SLC30A8: variants seen among roughly 807,000 people sequenced by gnomAD.
SLC30A8 encodes solute carrier family 30 member 8.
SLC30A8 carries 27 observed loss-of-function variants against 36.9 expected under a neutral mutation model. The observed-to-expected ratio is 0.73, with a 90% CI of 0.54 to 1.01. SLC30A8 has a LOEUF of 1.01. SLC30A8 is among the 50% of genes least tolerant of loss of function. SLC30A8 has a pLI of 0.00. For synonymous variants in SLC30A8, 164 were observed against 172.4 expected, an observed-to-expected ratio of 0.95 and a Z score of 0.38; for missense variants, 439 against 452.0, an observed-to-expected ratio of 0.97 and a Z score of 0.26.
At chr8:117,050,497 C>T (rs191388941) in intron 2 of SLC30A8, among the ~76,000 whole-genome samples, 4 of 152,092 alleles carry the variant, frequency 2.6e-5, no homozygotes, top group Non-Finnish European at 5.9e-5. Context: ...CCTCTGCCTC[C>T]TGAGTTCAAG....
intron 2 of SLC30A8, among the ~76,000 whole-genome samples, chr8:117,051,770 G>A (rs1012957263): frequency 7.2e-5 from 11 of 151,940 alleles, no homozygotes; most frequent in Admixed American, 3.3e-4. Context: ...CCTAGATCGT[G>A]CCACTGCACT....
intron 7 of SLC30A8, among the ~76,000 whole-genome samples, chr8:117,171,591 C>T (rs951303994): frequency 6.6e-6 from 1 of 152,132 alleles, no homozygotes; most frequent in Non-Finnish European, 1.5e-5. Flanking sequence ...ACACCAGCCC[C>T]ACTCTTAAAT....
At chr8:117,163,599 G>A (rs1038272881) in intron 6 of SLC30A8, 69 bp downstream of exon 6, 2 of 1,137,964 alleles carry the variant, frequency 1.8e-6, no homozygotes, top group Non-Finnish European at 2.5e-6. Context: ...AAAGGGAATG[G>A]CTACAAGGCA....
chr8:117,000,382 G>C (rs1815972368), intron 1 of SLC30A8, among the ~76,000 whole-genome samples: 2 of 152,116 alleles, frequency 1.3e-5, no homozygotes, highest in Non-Finnish European at 2.9e-5. Flanking sequence ...TCCAAGTAAG[G>C]CTTGTAGAAA....
At chr8:117,124,648 G>GAA (rs35557733) in intron 2 of SLC30A8, among the ~76,000 whole-genome samples, 1,399 of 111,184 alleles carry the variant, frequency 0.013, 20 homozygotes, top group South Asian at 0.04. Flanking sequence ...CTTGTATCCA[G>GAA]AAAAAAAAAA....
intron 1 of SLC30A8, among the ~76,000 whole-genome samples, chr8:117,001,204 CTTTT>C (rs34639384): frequency 5.1e-5 from 4 of 78,306 alleles, no homozygotes; most frequent in Non-Finnish European, 7.1e-5. Context: ...TTGCTAGGGG[CTTTT>C]TTTTTTTTTT....
chr8:117,166,671 C>G (rs1401716112), intron 6 of SLC30A8, among the ~76,000 whole-genome samples: 1 of 152,032 alleles, frequency 6.6e-6, no homozygotes, highest in Admixed American at 6.6e-5. Flanking sequence ...TTCCCACATG[C>G]TGGCCCTGGG....
At chr8:116,954,465 A>G (rs577268153) in intron 1 of SLC30A8, among the ~76,000 whole-genome samples, 6 of 151,698 alleles carry the variant, frequency 4.0e-5, no homozygotes, top group African/African-American at 9.8e-5. Context: ...CTGAAAAGCT[A>G]TTAAAGAGAG....
chr8:117,135,289 C>A lies in SLC30A8; in HGVS notation c.-39C>A, dbSNP rs1432523329. 1.2e-5 allele frequency: 18 copies of A among 1,527,838 alleles called. No individual in the cohort carries two copies. Among genetic ancestry groups the A allele is most frequent in the South Asian group, 2.5e-5 (2 of 79,128 alleles). 94.6% of individuals were successfully genotyped at this position (1,527,838 alleles called of 1,614,324 possible). A position where few individuals can be genotyped will look rare whatever the true frequency, so the allele number is the denominator to read the frequency against. ...TTCCAAAACTGGGCAGTGAGTTCAA[C>A]AACAACGACAACAACAGCCGCAGCT... On this transcript the variant is annotated 5_prime_UTR_variant, in exon 1 of 8. Transcript: ENST00000456015.
intron 6 of SLC30A8, among the ~76,000 whole-genome samples, chr8:117,164,435 A>T (rs1822957291): frequency 6.6e-6 from 1 of 151,970 alleles, no homozygotes; most frequent in Non-Finnish European, 1.5e-5. Flanking sequence ...TTACCTGGGC[A>T]TTGTGGTGCA....
chr8:117,067,309 A>G (rs2130793630), intron 2 of SLC30A8, among the ~76,000 whole-genome samples: 1 of 152,124 alleles, frequency 6.6e-6, no homozygotes, highest in East Asian at 1.9e-4. Context: ...ATATAAATCA[A>G]TAGGTGTTTT....
intron 2 of SLC30A8, among the ~76,000 whole-genome samples, chr8:117,045,108 A>G (rs1817510137): frequency 6.6e-6 from 1 of 152,188 alleles, no homozygotes; most frequent in East Asian, 1.9e-4. Flanking sequence ...TCAGCGGTGT[A>G]ACTGGGAGCC....
intron 2 of SLC30A8, among the ~76,000 whole-genome samples, chr8:117,059,856 G>A (rs1363775831): frequency 6.6e-6 from 1 of 152,156 alleles, no homozygotes; most frequent in Non-Finnish European, 1.5e-5. Flanking sequence ...GAGTAGGATG[G>A]ATTAGAGTGG....
intron 1 of SLC30A8, among the ~76,000 whole-genome samples, chr8:116,973,239 G>A (rs1814852085): frequency 1.3e-5 from 2 of 152,168 alleles, no homozygotes; most frequent in South Asian, 4.1e-4. Context: ...CACCGAGTTT[G>A]TGGTATTTTG....
intron 2 of SLC30A8, among the ~76,000 whole-genome samples, chr8:117,120,764 TCAA>T (rs1255024575): frequency 6.6e-6 from 1 of 151,322 alleles, no homozygotes; most frequent in African/African-American, 2.4e-5. Flanking sequence ...AACTCTAAAA[TCAA>T]CAAAAACCCA....
chr8:117,149,585 G>C (rs1822070338), intron 2 of SLC30A8, among the ~76,000 whole-genome samples: 1 of 152,108 alleles, frequency 6.6e-6, no homozygotes, highest in Admixed American at 6.5e-5. Context: ...CGCAATTTTG[G>C]GTGAATCAGT....
chr8:117,012,771 CAAAT>C (rs1458544774), intron 1 of SLC30A8, among the ~76,000 whole-genome samples: 2 of 127,348 alleles, frequency 1.6e-5, no homozygotes, highest in Non-Finnish European at 3.3e-5. Flanking sequence ...GGTGGATCCT[CAAAT>C]AGATTGTAGG....
At chr8:117,166,766 ATTTTT>A (rs71305462) in intron 6 of SLC30A8, among the ~76,000 whole-genome samples, 9,009 of 128,524 alleles carry the variant, frequency 0.07, 255 homozygotes, top group East Asian at 0.16. Flanking sequence ...ACATTAGCTG[ATTTTT>A]TTTTTTTTTT....
intron 6 of SLC30A8, among the ~76,000 whole-genome samples, chr8:117,168,937 A>T (rs549082038): frequency 3.3e-5 from 5 of 152,322 alleles, no homozygotes; most frequent in Non-Finnish European, 7.3e-5. Flanking sequence ...TAAGAATTGT[A>T]ACCTTAATAA....
Sources: allele counts gnomAD v4.1 joint callset (sites outside exome capture counted in the v4.1 genomes callset), GRCh38; gene constraint gnomAD v4.1.1; transcripts MANE v1.5; gene names NCBI Gene and HGNC (gene_info 2026-07-23, HGNC 2026-07-21).